CCDC150: variants seen among roughly 807,000 people sequenced by gnomAD.
CCDC150 encodes the protein coiled-coil domain containing 150, also known as coiled-coil domain-containing protein 150.
Under a neutral mutation model 156.5 loss-of-function variants are expected in CCDC150, and 151 were observed. The ratio of observed to expected loss-of-function variants is 0.97; its 90% CI spans 0.85 to 1.10. CCDC150 has a LOEUF of 1.10. Ranked by LOEUF, CCDC150 falls within the 50% of genes least tolerant of loss-of-function variation. The pLI is 0.00. For missense variants in CCDC150, 1,312 were observed against 1,268.1 expected (o/e 1.03, Z -0.53); for synonymous variants, 452 against 429.4 (o/e 1.05, Z -0.65).
intron 7 of CCDC150, 23 bp from the exon 8 acceptor site, chr2:196,669,810 T>G: frequency 6.6e-7 from 1 of 1,522,974 alleles, no homozygotes; most frequent in Non-Finnish European, 9.1e-7. Flanking sequence ...ATTATCATAG[T>G]TATGTGGAAT....
In CCDC150 at chr2:196,646,391, C is replaced by G. The variant is rs745959864; in HGVS notation, c.63C>G (p.Ile21Met). ...VSRPVLSPTH[I>M]NATASETFTV... is the part of the protein sequence containing the mutation. Reference sequence around the variant, plus strand: ...GACCGGTCCTTTCTCCAACCCACATCAACGCTACAGCTTCTGAAACATTCA... The same window carrying G: ...GACCGGTCCTTTCTCCAACCCACATGAACGCTACAGCTTCTGAAACATTCA... The change falls in exon 2 of 28, where the codon ATC becomes ATG. Residue 21 changes from isoleucine to methionine, a missense_variant. By Grantham distance (10) the Ile-to-Met change is conservative. Coordinates refer to ENST00000389175, the MANE Select transcript of CCDC150 (RefSeq NM_001080539.2). The G allele has an allele frequency of 5.6e-6, 9 of 1,613,684 alleles. No individual in the cohort carries two copies. The highest frequency in any genetic ancestry group is 4.4e-5 in the South Asian group (4 of 91,076).
chr2:196,666,905 A>G (rs749442609), intron 7 of CCDC150, 57 bp downstream of exon 7: 3 of 1,594,282 alleles, frequency 1.9e-6, no homozygotes, highest in Non-Finnish European at 2.6e-6. Context: ...ATTTCATGGA[A>G]AAACTCTTAA....
intron 22 of CCDC150, chr2:196,727,707 G>A (rs1040075336): frequency 6.6e-6 from 1 of 151,956 alleles, no homozygotes; most frequent in Admixed American, 6.5e-5. Context: ...CCTTTAGTCG[G>A]AGATCATTGT....
chr2:196,654,476 A>C (rs1693071328), intron 2 of CCDC150, among the ~76,000 whole-genome samples: 1 of 151,022 alleles, frequency 6.6e-6, no homozygotes, highest in South Asian at 2.1e-4. Flanking sequence ...GATGATTTTC[A>C]GTTACCTGTC....
chr2:196,675,403 A>G (rs1187989709), intron 10 of CCDC150, among the ~76,000 whole-genome samples: 1 of 152,142 alleles, frequency 6.6e-6, no homozygotes, highest in Non-Finnish European at 1.5e-5. Context: ...GAATATAACA[A>G]TTGGGATCCC....
chr2:196,678,423 A>T (rs1380549349), intron 13 of CCDC150, among the ~76,000 whole-genome samples: 1 of 152,212 alleles, frequency 6.6e-6, no homozygotes, highest in African/African-American at 2.4e-5. Context: ...TGCAGTTACC[A>T]CCAAGCTAGC....
Position 196,732,595 on chromosome 2 carries a change from C to G in CCDC150, c.*33C>G. 2.2e-6 allele frequency: 3 copies of G among 1,390,268 alleles called. No individual in the cohort carries two copies. The highest frequency in any genetic ancestry group is 3.1e-6 in the Non-Finnish European group (3 of 977,228). 86.1% of individuals were successfully genotyped at this position (1,390,268 alleles called of 1,614,324 possible). ...GACAAGGGAGCTTCTTTATGTGTAG[C>G]TACACTCCATGATTCCAAGAGCCCA... On this transcript the variant is annotated 3_prime_UTR_variant, in exon 28 of 28. Transcript: ENST00000389175.
At chr2:196,642,113 A>C (rs1327418457) in intron 1 of CCDC150, among the ~76,000 whole-genome samples, 2 of 152,230 alleles carry the variant, frequency 1.3e-5, no homozygotes, top group Non-Finnish European at 2.9e-5. Flanking sequence ...TTTAAAAATA[A>C]AAGTTTATAT....
chr2:196,723,719 A>G (rs1575969697), intron 21 of CCDC150, among the ~76,000 whole-genome samples: 1 of 152,182 alleles, frequency 6.6e-6, no homozygotes, highest in East Asian at 1.9e-4. Context: ...AGTGAGTCAG[A>G]TGCTGCAGAG....
chr2:196,646,196 C>T, intron 1 of CCDC150, 145 bp from the exon 2 acceptor site: 1 of 643,920 alleles, frequency 1.6e-6, no homozygotes, highest in Non-Finnish European at 2.7e-6. Flanking sequence ...ATAACTTCCA[C>T]CTACATTTAA....
chr2:196,713,977 A>C (rs1473402875), intron 17 of CCDC150, among the ~76,000 whole-genome samples: 1 of 152,178 alleles, frequency 6.6e-6, no homozygotes, highest in Non-Finnish European at 1.5e-5. Context: ...GCTTGGATAA[A>C]GCCTCATTTT....
chr2:196,669,998 A>T (rs995946227), intron 8 of CCDC150, 122 bp downstream of exon 8: 3 of 621,836 alleles, frequency 4.8e-6, no homozygotes, highest in African/African-American at 3.7e-5. Flanking sequence ...AAAAAGTTTC[A>T]TGTAAATGAG....
At chr2:196,676,515 C>T (rs777860978) in intron 11 of CCDC150, 39 bp from the exon 12 acceptor site, 95 of 1,530,300 alleles carry the variant, frequency 6.2e-5, no homozygotes, top group Non-Finnish European at 8.1e-5. Flanking sequence ...AATTAGAACT[C>T]TAATTTAGCT....
chr2:196,722,902 T>C (rs1309556812), intron 21 of CCDC150, among the ~76,000 whole-genome samples: 1 of 152,166 alleles, frequency 6.6e-6, no homozygotes, highest in African/African-American at 2.4e-5. Flanking sequence ...GATTAGGTCA[T>C]TTACAGGAAA....
At chr2:196,691,363 T>TGAG (rs1695461250) in intron 13 of CCDC150, among the ~76,000 whole-genome samples, 1 of 152,222 alleles carries the variant, frequency 6.6e-6, no homozygotes, top group East Asian at 1.9e-4. Context: ...CTAGGCTATT[T>TGAG]GTTACTGCCT....
chr2:196,729,381 G>A lies in CCDC150; in HGVS notation c.2745G>A (p.Arg915=), dbSNP rs1278732156. ...AKANNAQNIE[R]MKQIEKELKQ... ...CGAATAATGCTCAGAATATAGAAAG[G>A]ATGAAGGTTGTATGGGAAACCTCTT... The change falls in exon 23 of 28, where the codon AGG becomes AGA. Residue 915 remains arginine (R), a synonymous_variant. Transcript: ENST00000389175. The A allele has an allele frequency of 6.2e-7, 1 of 1,613,776 alleles. No homozygotes were observed. The highest frequency in any genetic ancestry group is 8.5e-7 in the Non-Finnish European group (1 of 1,179,774).
intron 8 of CCDC150, among the ~76,000 whole-genome samples, chr2:196,671,366 A>G (rs989948510): frequency 2.0e-5 from 3 of 147,102 alleles, no homozygotes; most frequent in Non-Finnish European, 4.5e-5. Context: ...AGTAATAAGT[A>G]TTTATGTTTC....
intron 11 of CCDC150, 57 bp from the exon 12 acceptor site, chr2:196,676,497 T>G: frequency 2.1e-6 from 3 of 1,453,256 alleles, no homozygotes; most frequent in Non-Finnish European, 2.8e-6. Context: ...TAATTGCTCT[T>G]TCTGTTAAAT....
chr2:196,676,556 A>G lies in CCDC150; in HGVS notation c.1265A>G (p.Asp422Gly), dbSNP rs1469211300. 4 of 1,610,718 alleles carry G rather than the reference A, an allele frequency of 2.5e-6. No individual in the cohort carries two copies. Among genetic ancestry groups the G allele is most frequent in the Non-Finnish European group, 3.4e-6 (4 of 1,178,418 alleles). ...NEKTQLQAHLDHLILEHNQCI... is the reference protein window; with the variant it reads ...NEKTQLQAHLGHLILEHNQCI... Reference sequence around the variant, plus strand: ...ATGTTCTTGATCTCTTCCTGCAGGGATCATTTAATCCTTGAGCATAACCAG... The same window carrying G: ...ATGTTCTTGATCTCTTCCTGCAGGGGTCATTTAATCCTTGAGCATAACCAG... Residue 422 changes from aspartate to glycine, a missense_variant and splice_region_variant, in exon 12 of 28, where the codon GAT becomes GGT. Coordinates refer to ENST00000389175, the MANE Select transcript of CCDC150 (RefSeq NM_001080539.2).
Sources: gnomAD v4.1 joint callset for allele counts (sites outside exome capture counted in the v4.1 genomes callset) on GRCh38, gnomAD v4.1.1 for gene constraint, MANE v1.5 for transcripts, NCBI Gene and HGNC (gene_info 2026-07-23, HGNC 2026-07-21) for gene names.